CTBP2: variants seen among roughly 807,000 people sequenced by gnomAD.
CTBP2 encodes the protein C-terminal-binding protein 2.
In CTBP2, 30 loss-of-function variants were observed where a neutral mutation model predicts 80.3. The observed-to-expected ratio is 0.37, with a 90% CI of 0.28 to 0.51. CTBP2 has a LOEUF of 0.51. CTBP2 is among the 20% of genes least tolerant of loss of function. CTBP2 has a pLI of 0.93. For missense variants in CTBP2, 1,212 were observed against 1,375.3 expected, an observed-to-expected ratio of 0.88 and a Z score of 1.88; for synonymous variants, 594 against 587.4, an observed-to-expected ratio of 1.01 and a Z score of -0.16.
intron 1 of CTBP2, among the ~76,000 whole-genome samples, chr10:125,010,067 A>C (rs1955694765): frequency 6.6e-6 from 1 of 152,140 alleles, no homozygotes. Flanking sequence ...CGGCAGCTGC[A>C]GAGAAGACTG....
chr10:125,078,433 AATT>A (rs1304117626), intron 2 of CTBP2, among the ~76,000 whole-genome samples: 1 of 152,276 alleles, frequency 6.6e-6, no homozygotes, highest in Non-Finnish European at 1.5e-5. Flanking sequence ...AGGTCTTATC[AATT>A]ATTATTGATT....
chr10:125,092,796 C>T (rs1441914722), intron 2 of CTBP2, among the ~76,000 whole-genome samples: 3 of 152,044 alleles, frequency 2.0e-5, no homozygotes, highest in Admixed American at 6.5e-5. Context: ...CACTGGCTTA[C>T]GTTTAGGAGC....
intron 2 of CTBP2, among the ~76,000 whole-genome samples, chr10:125,080,901 C>T (rs1847073799): frequency 6.6e-6 from 1 of 151,424 alleles, no homozygotes; most frequent in Non-Finnish European, 1.5e-5. Flanking sequence ...CTGCCTCCCA[C>T]ATCCCATACC....
At chr10:125,014,866 C>T (rs78693819) in intron 1 of CTBP2, among the ~76,000 whole-genome samples, 2,103 of 152,326 alleles carry the variant, frequency 0.014, 46 homozygotes, top group African/African-American at 0.048. Context: ...CCGGCAGGGA[C>T]GCCCTTCTGT....
intron 2 of CTBP2, among the ~76,000 whole-genome samples, chr10:125,042,730 C>T (rs1960192577): frequency 6.6e-6 from 1 of 152,190 alleles, no homozygotes; most frequent in Non-Finnish European, 1.5e-5. Context: ...CTGTGAGCTG[C>T]TCCTGCCTTT....
At chr10:125,154,715 T>G (rs1419997586) in intron 1 of CTBP2, among the ~76,000 whole-genome samples, 1 of 152,202 alleles carries the variant, frequency 6.6e-6, no homozygotes, top group African/African-American at 2.4e-5. Flanking sequence ...ATCTACATAT[T>G]CCACTTAAGG....
intron 1 of CTBP2, chr10:125,006,020 T>A: frequency 7.0e-7 from 1 of 1,419,770 alleles, no homozygotes; most frequent in Non-Finnish European, 9.2e-7. Flanking sequence ...TCACAAGATG[T>A]CCATCCGCAG....
intron 2 of CTBP2, among the ~76,000 whole-genome samples, chr10:125,051,077 T>C (rs546729999): frequency 2.0e-5 from 3 of 152,300 alleles, no homozygotes; most frequent in East Asian, 3.9e-4. Flanking sequence ...GTAATGGCCA[T>C]TTAAAAATCT....
intron 3 of CTBP2, chr10:124,999,080 C>T (rs1317888372): frequency 1.3e-5 from 2 of 152,326 alleles, no homozygotes; most frequent in South Asian, 2.1e-4. Flanking sequence ...CCCCTCCCTA[C>T]ACCCGACAGG....
chr10:125,121,693 A>G (rs74163347), intron 1 of CTBP2, among the ~76,000 whole-genome samples: 30 of 152,368 alleles, frequency 2.0e-4, no homozygotes, highest in African/African-American at 6.7e-4. Context: ...TCTATTTTTA[A>G]GAATTAATCA....
intron 1 of CTBP2, among the ~76,000 whole-genome samples, chr10:125,113,282 T>C (rs1021533329): frequency 4.6e-5 from 7 of 152,194 alleles, no homozygotes; most frequent in Non-Finnish European, 1.0e-4. Context: ...CCTGGCAAAC[T>C]CCTATCCACC....
At chr10:125,092,382 G>A (rs1407666096) in intron 2 of CTBP2, among the ~76,000 whole-genome samples, 5 of 151,846 alleles carry the variant, frequency 3.3e-5, no homozygotes, top group Admixed American at 2.6e-4. Context: ...GTAGAGATGG[G>A]TTTCACCACG....
intron 1 of CTBP2, among the ~76,000 whole-genome samples, chr10:125,021,642 C>T (rs1001629423): frequency 1.3e-5 from 2 of 152,076 alleles, no homozygotes; most frequent in Admixed American, 6.6e-5. Flanking sequence ...GGTGATCTGG[C>T]GAGGTCACAA....
intron 1 of CTBP2, among the ~76,000 whole-genome samples, chr10:125,127,070 G>A (rs1307669939): frequency 1.3e-5 from 2 of 152,170 alleles, no homozygotes; most frequent in African/African-American, 4.8e-5. Flanking sequence ...ACAAGAAACA[G>A]CCGAGTGTTA....
rs552177223 is a variant in CTBP2, at chr10:125,026,770, C to G, written c.990G>C (p.Lys330Asn). ...CCTGGCCCAGGTTGGGTGCGACAGA[C>G]TTGATATCCGCGTCCTCCAGGGTAG... Residue 330 changes from lysine (K) to asparagine (N), a missense_variant, in exon 1 of 9, where the codon AAG becomes AAC. Physicochemically the swap from Lys to Asn is moderately conservative, Grantham distance 94 (BLOSUM62 0). Around this residue, in one of 3 missense-constraint regions of CTBP2, gnomAD observed 848 missense variants for 782.3 expected, o/e 1.08. Coordinates refer to ENST00000309035, the MANE Select transcript of CTBP2 (RefSeq NM_022802.3). The G allele has an allele frequency of 6.2e-7, 1 of 1,613,098 alleles. No individual in the cohort carries two copies. Among genetic ancestry groups the G allele is most frequent in the Non-Finnish European group, 8.5e-7 (1 of 1,179,956 alleles).
intron 1 of CTBP2, among the ~76,000 whole-genome samples, chr10:125,127,689 C>T (rs1855499448): frequency 6.6e-6 from 1 of 152,150 alleles, no homozygotes; most frequent in South Asian, 2.1e-4. Context: ...CTGTTGGCAG[C>T]CCATGGTTGG....
chr10:125,124,419 G>GT (rs1854871777), intron 1 of CTBP2, among the ~76,000 whole-genome samples: 1 of 151,394 alleles, frequency 6.6e-6, no homozygotes, highest in Non-Finnish European at 1.5e-5. Flanking sequence ...AAGGTTCCAC[G>GT]TTTTTTCAGT....
chr10:125,099,781 C>T (rs1158872678), intron 2 of CTBP2, among the ~76,000 whole-genome samples: 2 of 152,202 alleles, frequency 1.3e-5, no homozygotes, highest in African/African-American at 2.4e-5. Flanking sequence ...GGACCCATCA[C>T]TCCAGCCAGT....
intron 8 of CTBP2, among the ~76,000 whole-genome samples, chr10:124,990,863 G>A (rs76497870): frequency 0.043 from 6,507 of 152,292 alleles, 257 homozygotes; most frequent in Non-Finnish European, 0.057. Context: ...CTGCCTGGCC[G>A]TCACCAGAAC....
Sources: gnomAD v4.1 joint callset for allele counts (sites outside exome capture counted in the v4.1 genomes callset) on GRCh38, gnomAD v4.1.1 for gene constraint, gnomAD v4.1.1 regional missense constraint, MANE v1.5 for transcripts, NCBI Gene and HGNC (gene_info 2026-07-23, HGNC 2026-07-21) for gene names.